Variants in ERBB4 observed in about 807,000 individuals in gnomAD.
ERBB4 encodes receptor tyrosine-protein kinase erbB-4.
In ERBB4, 42 loss-of-function variants were observed where a neutral mutation model predicts 158.0. The ratio of observed to expected loss-of-function variants is 0.27; its 90% CI spans 0.21 to 0.34. ERBB4 has a LOEUF of 0.34. ERBB4 is among the 10% of genes least tolerant of loss of function. The pLI, the probability that ERBB4 is intolerant of heterozygous loss-of-function variation, is 1.00. For synonymous variants in ERBB4, 583 were observed against 558.7 expected (o/e 1.04, Z -0.61); for missense variants, 1,333 against 1,624.1 (o/e 0.82, Z 3.08).
At chr2:212,496,512 A>T (rs1044822210) in intron 1 of ERBB4, among the ~76,000 whole-genome samples, 1 of 152,192 alleles carries the variant, frequency 6.6e-6, no homozygotes, top group Non-Finnish European at 1.5e-5. Flanking sequence ...ACATCTGGCA[A>T]CCCAAAATTC....
intron 2 of ERBB4, among the ~76,000 whole-genome samples, chr2:212,027,376 T>C (rs1005343069): frequency 2.0e-5 from 3 of 152,082 alleles, no homozygotes; most frequent in Non-Finnish European, 2.9e-5. Flanking sequence ...TGGGTATTTA[T>C]TTTTTTATTT....
chr2:212,230,981 C>G (rs528506341), intron 1 of ERBB4, among the ~76,000 whole-genome samples: 1 of 152,214 alleles, frequency 6.6e-6, no homozygotes, highest in East Asian at 1.9e-4. Flanking sequence ...AAAATACTGT[C>G]ATATTTACCC....
chr2:212,193,574 T>A (rs898851485), intron 1 of ERBB4, among the ~76,000 whole-genome samples: 2 of 150,792 alleles, frequency 1.3e-5, no homozygotes, highest in African/African-American at 4.9e-5. Flanking sequence ...AACAGAAAGG[T>A]TTTTTTTTAA....
At chr2:212,519,398 T>C (rs1692022112) in intron 1 of ERBB4, among the ~76,000 whole-genome samples, 1 of 151,990 alleles carries the variant, frequency 6.6e-6, no homozygotes, top group Non-Finnish European at 1.5e-5. Context: ...TTACAAATCA[T>C]CATATTCTTT....
At chr2:212,461,639 AC>A (rs1250309670) in intron 1 of ERBB4, among the ~76,000 whole-genome samples, 1 of 152,006 alleles carries the variant, frequency 6.6e-6, no homozygotes, top group African/African-American at 2.4e-5. Flanking sequence ...ATGAGTTAAG[AC>A]TTTGGGGGAC....
chr2:212,125,218 T>A, intron 1 of ERBB4: 1 of 234,874 alleles, frequency 4.3e-6, no homozygotes, highest in Non-Finnish European at 8.3e-6. Context: ...TTTAAACATT[T>A]TTTTTTTTAG....
intron 1 of ERBB4, among the ~76,000 whole-genome samples, chr2:212,132,941 C>T (rs1015998967): frequency 3.3e-5 from 5 of 152,082 alleles, no homozygotes; most frequent in African/African-American, 4.8e-5. Flanking sequence ...TTAATCTGTA[C>T]TTAATCTCCA....
chr2:211,689,273 T>C (rs1435900626), intron 12 of ERBB4, among the ~76,000 whole-genome samples: 2 of 152,126 alleles, frequency 1.3e-5, no homozygotes, highest in African/African-American at 4.8e-5. Flanking sequence ...GGGCTCACTG[T>C]AGCCTTGACC....
At chr2:212,157,859 G>T (rs561753953) in intron 1 of ERBB4, among the ~76,000 whole-genome samples, 1 of 151,992 alleles carries the variant, frequency 6.6e-6, no homozygotes, top group East Asian at 1.9e-4. Flanking sequence ...TAGGCACTTA[G>T]ACTGGAGGTA....
At chr2:212,349,600 T>C (rs2089167300) in intron 1 of ERBB4, among the ~76,000 whole-genome samples, 1 of 152,058 alleles carries the variant, frequency 6.6e-6, no homozygotes, top group Non-Finnish European at 1.5e-5. Context: ...AGCAGATTCT[T>C]TTAGTATTTC....
At chr2:212,406,420 A>G (rs1482219928) in intron 1 of ERBB4, among the ~76,000 whole-genome samples, 2 of 152,178 alleles carry the variant, frequency 1.3e-5, no homozygotes, top group African/African-American at 4.8e-5. Context: ...GGATGATGAA[A>G]TGGCCAATTT....
intron 1 of ERBB4, among the ~76,000 whole-genome samples, chr2:212,405,518 T>C (rs947747597): frequency 1.3e-5 from 2 of 152,078 alleles, no homozygotes; most frequent in Non-Finnish European, 2.9e-5. Flanking sequence ...CATTCTACCA[T>C]AAAGACACAT....
intron 1 of ERBB4, among the ~76,000 whole-genome samples, chr2:212,424,976 CTAA>C (rs2091875201): frequency 6.6e-6 from 1 of 151,752 alleles, no homozygotes; most frequent in African/African-American, 2.4e-5. Flanking sequence ...TAGGTGATAC[CTAA>C]TGTTATCCAT....
rs181745317 is a variant in ERBB4 at position 211,567,547 on chromosome 2, G to A, written c.2302-5459C>T. On this transcript the variant is annotated intron_variant, in intron 19 of 27. Coordinates refer to ENST00000342788, the MANE Select transcript of ERBB4 (RefSeq NM_005235.3). ...GAGAATGACAAAATGTAAAGTAGAA[G>A]AAAGATTTTGGGGTTACTTTTGCAT... Among the ~76,000 whole-genome samples the A allele has an allele frequency of 3.8e-3, 573 of 152,212 alleles. 2 individuals carry two copies. Among genetic ancestry groups the A allele is most frequent in the Non-Finnish European group, 5.5e-3 (375 of 67,980 alleles).
intron 4 of ERBB4, among the ~76,000 whole-genome samples, chr2:211,767,930 A>G (rs2075593574): frequency 6.6e-6 from 1 of 152,208 alleles, no homozygotes; most frequent in African/African-American, 2.4e-5. Context: ...CAAAAGTCTT[A>G]GCTCATTACA....
At chr2:212,319,985 C>T (rs946183069) in intron 1 of ERBB4, among the ~76,000 whole-genome samples, 1 of 150,044 alleles carries the variant, frequency 6.7e-6, no homozygotes, top group Non-Finnish European at 1.5e-5. Context: ...CCCAAAAATC[C>T]CACTCCAGAT....
At chr2:211,614,471 A>C (rs529934406) in intron 19 of ERBB4, among the ~76,000 whole-genome samples, 45 of 152,130 alleles carry the variant, frequency 3.0e-4, no homozygotes, top group Non-Finnish European at 4.9e-4. Flanking sequence ...TAGATACCCC[A>C]TTCTCCACGA....
chr2:211,603,383 G>A (rs2068863485), intron 19 of ERBB4, among the ~76,000 whole-genome samples: 1 of 151,950 alleles, frequency 6.6e-6, no homozygotes, highest in African/African-American at 2.4e-5. Context: ...TAGGGATATA[G>A]AATATAAAGG....
intron 16 of ERBB4, among the ~76,000 whole-genome samples, chr2:211,636,908 G>C (rs2070383624): frequency 6.6e-6 from 1 of 151,784 alleles, no homozygotes; most frequent in Admixed American, 6.6e-5. Context: ...AGTATGTGTA[G>C]GTGTGTGCAT....
Sources: allele counts gnomAD v4.1 joint callset (sites outside exome capture counted in the v4.1 genomes callset), GRCh38; gene constraint gnomAD v4.1.1; transcripts MANE v1.5; gene names NCBI Gene and HGNC (gene_info 2026-07-23, HGNC 2026-07-21).